The following MOK variants were observed in gnomAD, a reference collection of about 807,000 sequenced individuals.
MOK encodes the protein MOK protein kinase.
Under a neutral mutation model 54.2 loss-of-function variants are expected in MOK, and 59 were observed. The ratio of observed to expected loss-of-function variants is 1.09; its 90% CI spans 0.88 to 1.35. The LOEUF (loss-of-function observed/expected upper bound fraction) is 1.35, where lower values mean the gene tolerates loss of function less well. MOK is among the 40% of genes most tolerant of loss of function. The pLI is 0.00. For synonymous variants in MOK, 210 were observed against 202.7 expected (o/e 1.04, Z -0.31); for missense variants, 517 against 526.2 (o/e 0.98, Z 0.17).
At chr14:102,214,985 C>CGT in the MOK span, 8 of 984,408 alleles carry the variant, frequency 8.1e-6, no homozygotes, top group Non-Finnish European at 8.4e-6. Flanking sequence ...ATTAAATAAA[C>CGT]GTGTGTGAGT....
chr14:102,232,598 T>G lies in MOK; in HGVS notation c.803A>C (p.Tyr268Ser). 1 of 1,614,056 alleles carries G rather than the reference T, an allele frequency of 6.2e-7. No individual in the cohort carries two copies. The highest frequency in any genetic ancestry group is 8.5e-7 in the Non-Finnish European group (1 of 1,179,950). ...CLSLLHAMVA[Y>S]DPDERIAAHQ... is the part of the protein sequence containing the mutation. ...GGCGGCGATTCTCTCATCGGGATCATAGGCCACCATTGCGTGCAGGAGGGA... is the reference window on the plus strand; with the variant it reads ...GGCGGCGATTCTCTCATCGGGATCAGAGGCCACCATTGCGTGCAGGAGGGA... The change falls in exon 9 of 12, where the codon TAT becomes TCT. Residue 268 changes from tyrosine to serine, a missense_variant. Tyr to Ser is a moderately radical substitution (Grantham distance 144). Coordinates refer to ENST00000361847, the MANE Select transcript of MOK (RefSeq NM_014226.3). The surrounding 1 kb of genome is among the most constrained non-coding windows in gnomAD (Gnocchi z 5.1).
rs1369619387 is a variant in MOK at position 102,231,486 on chromosome 14, T to C, written c.981+221A>G. 1.0e-4 allele frequency: 53 copies of C among 511,532 alleles called. No homozygotes were observed. The allele number at this position is 511,532 out of a possible 1,614,324, so 31.7% of individuals were successfully genotyped here. On this transcript the variant is annotated intron_variant, in intron 10 of 11. Coordinates refer to ENST00000361847, the MANE Select transcript of MOK (RefSeq NM_014226.3). The surrounding 1 kb of genome is among the most constrained non-coding windows in gnomAD (Gnocchi z 4.4). The stretch of plus-strand genomic sequence containing the variant: ...GCTCACATGGGATATTCGTCATCAA[T>C]TCTTAGCTACTGGGGCAGAAAGGGC...
chr14:102,248,160 G>C (rs1238654723), intron 7 of MOK, among the ~76,000 whole-genome samples: 1 of 152,178 alleles, frequency 6.6e-6, no homozygotes, highest in African/African-American at 2.4e-5. Context: ...TGGAATGTTA[G>C]AGACAAACTG....
chr14:102,224,984 C>T, downstream of MOK: 1 of 352,356 alleles, frequency 2.8e-6, no homozygotes, highest in East Asian at 7.6e-5. Context: ...GGAAGCCAAA[C>T]CCAGGAGGGC....
chr14:102,296,237 G>A (rs1270932468), intron 1 of MOK, among the ~76,000 whole-genome samples: 1 of 127,558 alleles, frequency 7.8e-6, no homozygotes, highest in African/African-American at 3.1e-5. Flanking sequence ...CAGACTGAGA[G>A]TACGTCTCAA....
At chr14:102,234,229 T>C (rs1427648168) in intron 7 of MOK, 1 of 155,896 alleles carries the variant, frequency 6.4e-6, no homozygotes, top group Non-Finnish European at 1.4e-5. Flanking sequence ...TCACTATCAA[T>C]CTCTCTCTCT....
chr14:102,243,910 C>T (rs1164946670), intron 7 of MOK, among the ~76,000 whole-genome samples: 1 of 152,182 alleles, frequency 6.6e-6, no homozygotes, highest in Non-Finnish European at 1.5e-5. Context: ...CTGCTCTGCC[C>T]CCTCCACTAC....
At chr14:102,285,387 A>C (rs918058659) in intron 1 of MOK, among the ~76,000 whole-genome samples, 16 of 152,128 alleles carry the variant, frequency 1.1e-4, no homozygotes, top group African/African-American at 3.9e-4. Context: ...GGTTTTCAAA[A>C]CTGCAGCGCT....
chr14:102,264,352 G>A (rs1172990881), intron 3 of MOK: 2 of 152,292 alleles, frequency 1.3e-5, no homozygotes, highest in African/African-American at 4.8e-5. Flanking sequence ...AAACCAGTCA[G>A]GGGAAAAAGA....
intron 2 of MOK, among the ~76,000 whole-genome samples, chr14:102,275,731 T>G (rs2068806244): frequency 6.6e-6 from 1 of 151,912 alleles, no homozygotes; most frequent in Non-Finnish European, 1.5e-5. Flanking sequence ...CTCCATAAAT[T>G]GGACTTCACT....
chr14:102,272,756 TG>T (rs2068483195), intron 2 of MOK, among the ~76,000 whole-genome samples: 1 of 152,226 alleles, frequency 6.6e-6, no homozygotes, highest in Admixed American at 6.5e-5. Context: ...AAGGGAACTC[TG>T]TCAATTTGAT....
intron 2 of MOK, 96 bp downstream of exon 2, chr14:102,283,382 T>C (rs1219974961): frequency 4.2e-6 from 3 of 707,596 alleles, no homozygotes; most frequent in South Asian, 2.1e-5. Flanking sequence ...ATCTTACATA[T>C]TATTAAATTA....
intron 1 of MOK, among the ~76,000 whole-genome samples, chr14:102,304,690 A>C (rs1194107826): frequency 6.6e-6 from 1 of 152,208 alleles, no homozygotes; most frequent in African/African-American, 2.4e-5. Flanking sequence ...ACCTGCACCA[A>C]AATATGCCTG....
intron 1 of MOK, among the ~76,000 whole-genome samples, chr14:102,303,300 A>G (rs1340178828): frequency 6.6e-6 from 1 of 152,216 alleles, no homozygotes; most frequent in Non-Finnish European, 1.5e-5. Context: ...TGCCTCTCAC[A>G]TATTCCTGGT....
At chr14:102,256,381 G>A (rs1381366248) in intron 4 of MOK, among the ~76,000 whole-genome samples, 1 of 150,618 alleles carries the variant, frequency 6.6e-6, no homozygotes, top group Non-Finnish European at 1.5e-5. Context: ...TGGCTAACAC[G>A]GTGAAACCCC....
At chr14:102,276,647 C>G (rs1463797412) in intron 2 of MOK, among the ~76,000 whole-genome samples, 3 of 151,760 alleles carry the variant, frequency 2.0e-5, no homozygotes, top group South Asian at 4.2e-4. Context: ...AAAAATTAGC[C>G]GGGTGTGATG....
intron 2 of MOK, among the ~76,000 whole-genome samples, chr14:102,280,020 C>T (rs1244087398): frequency 6.6e-6 from 1 of 151,772 alleles, no homozygotes; most frequent in Non-Finnish European, 1.5e-5. Context: ...CCTCACACCA[C>T]CCACACAACT....
At position 102,251,995 on chromosome 14, in the gene MOK, C is replaced by T. The variant is rs759859471; in HGVS notation, c.284G>A (p.Gly95Glu). ...TTTTTCTGATAATGGGTATCTTCTC[C>T]CTGTACAATCAAGGAAATAGGCAAA... ...MDMNIYELIR[G>E]RRYPLSEKKI... is the part of the protein sequence containing the mutation. The change falls in exon 5 of 12, where the codon GGG becomes GAG. Residue 95 changes from glycine to glutamate, a missense_variant and splice_region_variant. Coordinates refer to ENST00000361847, the MANE Select transcript of MOK (RefSeq NM_014226.3). 6.4e-7 allele frequency: 1 copy of T among 1,558,924 alleles called. No individual in the cohort carries two copies. Among genetic ancestry groups the T allele is most frequent in the Non-Finnish European group, 8.8e-7 (1 of 1,133,618 alleles).
chr14:102,277,404 C>T (rs367755114), intron 2 of MOK: 1 of 152,178 alleles, frequency 6.6e-6, no homozygotes, highest in African/African-American at 2.4e-5. Flanking sequence ...GGGTGGATCA[C>T]CTGAGGTCAG....
Sources: allele counts gnomAD v4.1 joint callset (sites outside exome capture counted in the v4.1 genomes callset), GRCh38; gene constraint gnomAD v4.1.1; non-coding constraint Gnocchi (gnomAD v3.1); transcripts MANE v1.5; gene names NCBI Gene and HGNC (gene_info 2026-07-23, HGNC 2026-07-21).